AGTPBP1: variants seen among roughly 807,000 people sequenced by gnomAD.
The protein encoded by AGTPBP1 is ATP/GTP binding carboxypeptidase 1, also known as cytosolic carboxypeptidase 1.
A neutral mutation model predicts 143.9 loss-of-function variants in AGTPBP1; 70 were observed. The observed-to-expected ratio is 0.49, with a 90% CI of 0.40 to 0.59. The LOEUF is 0.59. Among genes scored for constraint, AGTPBP1 ranks in the 20% least tolerant of loss-of-function variants. The pLI is 0.00. For synonymous variants in AGTPBP1, 463 were observed against 500.2 expected, an observed-to-expected ratio of 0.93 and a Z score of 0.99; for missense variants, 1,229 against 1,464.5, an observed-to-expected ratio of 0.84 and a Z score of 2.62.
At chr9:85,756,281 G>T in the AGTPBP1 span, 1 of 1,526,172 alleles carries the variant, frequency 6.6e-7, no homozygotes, top group Non-Finnish European at 8.8e-7. Context: ...CTTGATTCTG[G>T]TTGTAAACCA....
At chr9:85,635,233 G>A (rs1037635921) in intron 13 of AGTPBP1, among the ~76,000 whole-genome samples, 1 of 151,986 alleles carries the variant, frequency 6.6e-6, no homozygotes, top group Admixed American at 6.6e-5. Context: ...TTTAATCTGG[G>A]TTAATTTCCT....
intron 24 of AGTPBP1, among the ~76,000 whole-genome samples, chr9:85,578,562 A>G (rs1038546157): frequency 4.2e-4 from 64 of 152,204 alleles, no homozygotes; most frequent in African/African-American, 1.4e-3. Context: ...ATGTAAAAAA[A>G]TTTATATCCA....
intron 6 of AGTPBP1, among the ~76,000 whole-genome samples, chr9:85,673,311 A>C (rs1214913674): frequency 6.6e-6 from 1 of 152,120 alleles, no homozygotes; most frequent in East Asian, 1.9e-4. Flanking sequence ...CTGCTCCACT[A>C]CACATATACA....
intron 3 of AGTPBP1, among the ~76,000 whole-genome samples, chr9:85,683,444 T>A (rs1209938460): frequency 6.6e-6 from 1 of 152,184 alleles, no homozygotes; most frequent in Non-Finnish European, 1.5e-5. Context: ...CATTTTCACT[T>A]CCATGAAGGG....
chr9:85,755,177 A>G, the AGTPBP1 span, among the ~76,000 whole-genome samples: 2 of 152,066 alleles, frequency 1.3e-5, no homozygotes, highest in African/African-American at 4.8e-5. Context: ...ATATATATTC[A>G]CTGTCTCATT....
At chr9:85,666,725 T>C (rs1163846107) in intron 8 of AGTPBP1, among the ~76,000 whole-genome samples, 1 of 152,036 alleles carries the variant, frequency 6.6e-6, no homozygotes, top group Non-Finnish European at 1.5e-5. Flanking sequence ...ATTTGACAAC[T>C]TGGTTATAAT....
intron 17 of AGTPBP1, among the ~76,000 whole-genome samples, chr9:85,602,158 A>G (rs1307124569): frequency 1.3e-5 from 2 of 152,250 alleles, no homozygotes; most frequent in Non-Finnish European, 1.5e-5. Context: ...CGAGAAAGAA[A>G]TACATGAAAT....
intron 21 of AGTPBP1, among the ~76,000 whole-genome samples, chr9:85,587,815 C>T (rs868032952): frequency 2.4e-4 from 36 of 152,172 alleles, no homozygotes; most frequent in Middle Eastern, 6.8e-3. Context: ...TAATTATCTT[C>T]CACTATTCCC....
chr9:85,805,252 G>C, the AGTPBP1 span: 2 of 152,210 alleles, frequency 1.3e-5, no homozygotes, highest in Non-Finnish European at 2.9e-5. Context: ...CCCCGCGCTC[G>C]GCGGACGCGC....
intron 13 of AGTPBP1, among the ~76,000 whole-genome samples, chr9:85,639,371 A>G (rs542049117): frequency 0.034 from 4,370 of 127,474 alleles, 84 homozygotes; most frequent in African/African-American, 0.058. Flanking sequence ...GCACGCGCAC[A>G]CACACACACA....
intron 19 of AGTPBP1, among the ~76,000 whole-genome samples, chr9:85,591,133 T>A (rs141841311): frequency 0.011 from 1,618 of 151,176 alleles, 27 homozygotes; most frequent in African/African-American, 0.037. Flanking sequence ...TATTTTAAAG[T>A]CTATTTAAAG....
At chr9:85,585,059 A>G (rs1243046469) in intron 23 of AGTPBP1, among the ~76,000 whole-genome samples, 1 of 152,224 alleles carries the variant, frequency 6.6e-6, no homozygotes, top group Non-Finnish European at 1.5e-5. Context: ...GCCCTACATG[A>G]TATCAATATT....
At chr9:85,773,068 A>G in the AGTPBP1 span, among the ~76,000 whole-genome samples, 1 of 151,730 alleles carries the variant, frequency 6.6e-6, no homozygotes, top group East Asian at 2.0e-4. Context: ...GATCGAGACC[A>G]TCCTAGCTAA....
chr9:85,623,841 A>G (rs563153491), intron 14 of AGTPBP1, among the ~76,000 whole-genome samples: 1 of 152,000 alleles, frequency 6.6e-6, no homozygotes, highest in African/African-American at 2.4e-5. Context: ...AAGAATGACA[A>G]CTCTTCCTTC....
At chr9:85,713,581 T>C (rs1428277849) in intron 1 of AGTPBP1, among the ~76,000 whole-genome samples, 1 of 152,110 alleles carries the variant, frequency 6.6e-6, no homozygotes, top group East Asian at 1.9e-4. Flanking sequence ...CACATACTTA[T>C]GAAATATTTA....
chr9:85,716,507 A>T (rs1837714738), intron 1 of AGTPBP1, among the ~76,000 whole-genome samples: 1 of 152,204 alleles, frequency 6.6e-6, no homozygotes, highest in Non-Finnish European at 1.5e-5. Flanking sequence ...TTCCCATCTA[A>T]GTTAAAGACA....
intron 25 of AGTPBP1, among the ~76,000 whole-genome samples, chr9:85,567,591 C>CA (rs1396716004): frequency 6.6e-6 from 1 of 150,436 alleles, no homozygotes; most frequent in Non-Finnish European, 1.5e-5. Context: ...GACCCTGTCT[C>CA]AAAAAAAAGA....
the AGTPBP1 span, among the ~76,000 whole-genome samples, chr9:85,803,762 G>A: frequency 6.6e-5 from 10 of 152,242 alleles, no homozygotes; most frequent in Admixed American, 2.6e-4. Context: ...TAGTGTCCAT[G>A]TCCGTCTGGC....
intron 8 of AGTPBP1, among the ~76,000 whole-genome samples, chr9:85,665,618 C>T (rs1325753883): frequency 6.6e-6 from 1 of 152,148 alleles, no homozygotes; most frequent in African/African-American, 2.4e-5. Context: ...AGAGTACTTT[C>T]AGAAACTCTT....
Sources: allele counts gnomAD v4.1 joint callset (sites outside exome capture counted in the v4.1 genomes callset), GRCh38; gene constraint gnomAD v4.1.1; transcripts MANE v1.5; gene names NCBI Gene and HGNC (gene_info 2026-07-23, HGNC 2026-07-21).